The following MGAM variants were observed in gnomAD, a reference collection of about 807,000 sequenced individuals.
The protein encoded by MGAM is alpha-1,4-glucosidase.
MGAM carries 253 observed loss-of-function variants against 358.8 expected under a neutral mutation model. That is an observed-to-expected ratio of 0.71 (90% CI 0.64 to 0.78). MGAM has a LOEUF of 0.78. MGAM is among the 30% of genes least tolerant of loss of function. The pLI, the probability that MGAM is intolerant of heterozygous loss-of-function variation, is 0.00. For missense variants in MGAM, 3,080 were observed against 3,432.6 expected, an observed-to-expected ratio of 0.90 and a Z score of 2.57; for synonymous variants, 1,105 against 1,227.1, an observed-to-expected ratio of 0.90 and a Z score of 2.08.
chr7:142,057,445 GGTA>G lies in MGAM; in HGVS notation c.3693+506_3693+508del, dbSNP rs111202965. ...TGGTGGTGTTGGTTATGGTGGTGGT[GGTA>G]GTGGTGGTGACAGTGAGGTGGTGTG... On this transcript the variant is annotated intron_variant, in intron 30 of 70. Coordinates refer to ENST00000475668, the MANE Select transcript of MGAM (RefSeq NM_001365693.1). 5.4e-3 allele frequency among the ~76,000 whole-genome samples: 805 copies of G among 149,872 alleles called. 11 individuals are homozygous for G. Among genetic ancestry groups the G allele is most frequent in the African/African-American group, 0.016 (641 of 40,634 alleles).
intron 21 of MGAM, among the ~76,000 whole-genome samples, chr7:142,041,466 T>A (rs1376313237): frequency 6.6e-6 from 1 of 152,092 alleles, no homozygotes; most frequent in African/African-American, 2.4e-5. Context: ...TGGCTTCCTT[T>A]TTCTAACTGT....
intron 46 of MGAM, 175 bp downstream of exon 46, chr7:142,076,427 CA>C (rs1813740505): frequency 1.1e-6 from 1 of 875,830 alleles, no homozygotes; most frequent in Middle Eastern, 2.2e-4. Context: ...ATTAATATAG[CA>C]AGTAGTGTTT....
chr7:142,020,511 G>A (rs1806342094), intron 4 of MGAM, among the ~76,000 whole-genome samples: 1 of 151,284 alleles, frequency 6.6e-6, no homozygotes, highest in Non-Finnish European at 1.5e-5. Flanking sequence ...ATGTGCGTAT[G>A]ATGGGGTATA....
intron 21 of MGAM, among the ~76,000 whole-genome samples, chr7:142,044,657 GTAT>G (rs1809784639): frequency 1.3e-5 from 1 of 74,758 alleles, no homozygotes; most frequent in Non-Finnish European, 2.9e-5. Context: ...GATATATAAT[GTAT>G]ATTATATACA....
At chr7:142,022,948 TTTG>T (rs1554459539) in intron 7 of MGAM, among the ~76,000 whole-genome samples, 1 of 152,176 alleles carries the variant, frequency 6.6e-6, no homozygotes, top group Non-Finnish European at 1.5e-5. Flanking sequence ...TAGACAGAGT[TTTG>T]TTGTTATTGT....
At chr7:142,027,541 G>A (rs1263125075) in intron 9 of MGAM, 69 bp from the exon 10 acceptor site, 2 of 1,545,028 alleles carry the variant, frequency 1.3e-6, no homozygotes, top group African/African-American at 1.4e-5. Context: ...TGCTCTGAAA[G>A]CAATGCTTCG....
Position 142,100,839 on chromosome 7 carries a change from G to A in MGAM, c.7912G>A (p.Asp2638Asn). 6.2e-7 allele frequency: 1 copy of A among 1,613,260 alleles called. No homozygotes were observed. Among genetic ancestry groups the A allele is most frequent in the Non-Finnish European group, 8.5e-7 (1 of 1,179,648 alleles). ...CATGGGCTTCAAAATTGCCTTGGAT[G>A]ATGAAGGAACTGCTGGGGGCTGGCT... ...KFMGFKIALD[D>N]EGTAGGWLFW... Residue 2638 changes from aspartate to asparagine, a missense_variant, in exon 68 of 71, where the codon GAT becomes AAT. By Grantham distance (23) the Asp-to-Asn change is conservative (BLOSUM62 1). This residue lies in a region of MGAM where 194 missense variants were observed against 172.8 expected (regional missense o/e 1.12). Coordinates refer to ENST00000475668, the MANE Select transcript of MGAM (RefSeq NM_001365693.1).
At chr7:142,042,125 A>C (rs185760945) in intron 21 of MGAM, among the ~76,000 whole-genome samples, 4 of 69,762 alleles carry the variant, frequency 5.7e-5, no homozygotes, top group Admixed American at 2.6e-4. Context: ...TATATAATAT[A>C]TATACATATA....
chr7:142,086,036 A>C, intron 55 of MGAM, 75 bp downstream of exon 55: 1 of 1,515,158 alleles, frequency 6.6e-7, no homozygotes, highest in African/African-American at 1.4e-5. Context: ...GTTATACTTT[A>C]TTTCCATGTT....
intron 2 of MGAM, among the ~76,000 whole-genome samples, chr7:141,987,375 C>T (rs1198381598): frequency 6.6e-6 from 1 of 152,196 alleles, no homozygotes; most frequent in Non-Finnish European, 1.5e-5. Flanking sequence ...AAACTAATCT[C>T]TGTATCTTAA....
chr7:142,036,351 C>A, intron 17 of MGAM, 66 bp downstream of exon 17: 2 of 1,258,950 alleles, frequency 1.6e-6, no homozygotes, highest in Non-Finnish European at 2.3e-6. Flanking sequence ...CTGTCTGCAT[C>A]CTTGCCAAGA....
At chr7:142,036,387 G>C in intron 17 of MGAM, 102 bp downstream of exon 17, 1 of 845,534 alleles carries the variant, frequency 1.2e-6, no homozygotes, top group Non-Finnish European at 1.9e-6. Flanking sequence ...CCTCTTACCT[G>C]GTCTTCACTT....
intron 21 of MGAM, among the ~76,000 whole-genome samples, chr7:142,043,095 A>G (rs1265759558): frequency 3.1e-5 from 2 of 63,988 alleles, no homozygotes; most frequent in African/African-American, 1.6e-4. Flanking sequence ...TATATATATT[A>G]TATATACATA....
At chr7:142,073,564 GATTT>G (rs1813514205) in intron 44 of MGAM, among the ~76,000 whole-genome samples, 1 of 146,428 alleles carries the variant, frequency 6.8e-6, no homozygotes. Context: ...TCATTAGAAT[GATTT>G]ATTTTTCTTT....
chr7:142,008,478 G>T (rs1466023508), intron 2 of MGAM, 28 bp from the exon 3 acceptor site: 1 of 1,574,504 alleles, frequency 6.4e-7, no homozygotes, highest in Non-Finnish European at 8.6e-7. Context: ...TTTGTCTAAT[G>T]GTCTTTTTAT....
intron 38 of MGAM, 34 bp downstream of exon 38, chr7:142,065,502 A>G (rs1812641667): frequency 1.2e-6 from 2 of 1,613,878 alleles, no homozygotes; most frequent in East Asian, 4.5e-5. Context: ...CTTTGCCGAC[A>G]GGGCAGGGAG....
chr7:142,014,513 T>G (rs1325984214), intron 3 of MGAM, among the ~76,000 whole-genome samples: 1 of 152,136 alleles, frequency 6.6e-6, no homozygotes, highest in East Asian at 1.9e-4. Flanking sequence ...ATTTAAGATA[T>G]ACAAAAATAT....
rs563517221 is a variant in MGAM, at chr7:142,030,802, G to A, written c.1470+45G>A. 23 of 1,275,138 alleles carry A rather than the reference G, an allele frequency of 1.8e-5. No individual in the cohort carries two copies. The African/African-American group carries it at 3.4e-4, about 19-fold the overall frequency. 79.0% of individuals were successfully genotyped at this position (1,275,138 alleles called of 1,614,324 possible). On this transcript the variant is annotated intron_variant, in intron 12 of 70. Coordinates refer to ENST00000475668, the MANE Select transcript of MGAM (RefSeq NM_001365693.1). ...GGAGGCTGGTGGAGGGGCTGCATAG[G>A]GGTGTTTGAATGTGTCTGTGTGTGT...
intron 3 of MGAM, among the ~76,000 whole-genome samples, chr7:142,012,554 T>C (rs1303122779): frequency 6.6e-6 from 1 of 152,220 alleles, no homozygotes; most frequent in Non-Finnish European, 1.5e-5. Context: ...TCTTCTATTT[T>C]CTTAGACTTC....
Sources: allele counts gnomAD v4.1 joint callset (sites outside exome capture counted in the v4.1 genomes callset), GRCh38; gene constraint gnomAD v4.1.1; regional missense constraint gnomAD v4.1.1; transcripts MANE v1.5; gene names NCBI Gene and HGNC (gene_info 2026-07-23, HGNC 2026-07-21).